The following MYRF variants were observed in gnomAD, a reference collection of about 807,000 sequenced individuals.
MYRF encodes the protein myelin regulatory factor.
A neutral mutation model predicts 126.3 loss-of-function variants in MYRF; 16 were observed. The observed-to-expected ratio is 0.13, with a 90% CI of 0.09 to 0.19. The LOEUF (loss-of-function observed/expected upper bound fraction) is 0.19. Among genes scored for constraint, MYRF ranks in the 10% least tolerant of loss-of-function variants. The pLI is 1.00. For synonymous variants in MYRF, 608 were observed against 635.3 expected (o/e 0.96, Z 0.65); for missense variants, 1,104 against 1,547.0 (o/e 0.71, Z 4.80).
rs2066534794 is a variant in MYRF at position 61,781,187 on chromosome 11, G to C, written c.2622G>C (p.Leu874Phe). Reference sequence around the variant, plus strand: ...CCCCAGGTTCTGCTGTCCGCACCTTGGACATGTGTTCCAGCCACCCCTGCC... The same window carrying C: ...CCCCAGGTTCTGCTGTCCGCACCTTCGACATGTGTTCCAGCCACCCCTGCC... ...SSAPGSAVRT[L>F]DMCSSHPCPV... Residue 874 changes from leucine (L) to phenylalanine (F), a missense_variant, in exon 21 of 27, where the codon TTG (leucine) becomes TTC (phenylalanine). Leu to Phe is a conservative substitution (Grantham distance 22). This residue lies in a region of MYRF where 323 missense variants were observed against 383.1 expected (regional missense o/e 0.84). Transcript: ENST00000278836. The C allele has an allele frequency of 6.2e-7, 1 of 1,613,852 alleles. No homozygotes were observed. The highest frequency in any genetic ancestry group is 8.5e-7 in the Non-Finnish European group (1 of 1,180,030).
intron 1 of MYRF, among the ~76,000 whole-genome samples, chr11:61,759,596 G>A (rs1488198581): frequency 6.6e-6 from 1 of 152,154 alleles, no homozygotes; most frequent in Non-Finnish European, 1.5e-5. Flanking sequence ...CTTGAACTCA[G>A]GAGGCGGAAG....
chr11:61,765,710 C>T lies in MYRF; in HGVS notation c.132C>T (p.Asp44=). Residue 44 remains aspartate, a splice_region_variant and synonymous_variant, in exon 2 of 27, where the codon GAC becomes GAT. Transcript: ENST00000278836. The part of the protein sequence containing the change: ...EEYISKEDAS[D]LCFPDISAPA... Reference sequence around the variant, plus strand: ...ACATCAGCAAGGAGGATGCCTCCGACCTGTGAGTGGCCCCCTCGCCCGGCC... The same window carrying T: ...ACATCAGCAAGGAGGATGCCTCCGATCTGTGAGTGGCCCCCTCGCCCGGCC... 1 of 1,611,598 alleles carries T rather than the reference C, an allele frequency of 6.2e-7. No individual in the cohort carries two copies. The highest frequency in any genetic ancestry group is 8.5e-7 in the Non-Finnish European group (1 of 1,179,348).
intron 1 of MYRF, among the ~76,000 whole-genome samples, chr11:61,758,042 G>C (rs1195730140): frequency 6.6e-6 from 1 of 152,144 alleles, no homozygotes; most frequent in Non-Finnish European, 1.5e-5. Context: ...ACATGGTCAA[G>C]GTTGGGTGAT....
chr11:61,766,187 A>G lies in MYRF; in HGVS notation c.364A>G (p.Ile122Val). The G allele has an allele frequency of 6.2e-7, 1 of 1,610,852 alleles. No homozygotes were observed. Among genetic ancestry groups the G allele is most frequent in the Non-Finnish European group, 8.5e-7 (1 of 1,179,390 alleles). ...KPFPGGTGPP[I>V]KAEPKAPYAP... ...CTTCCCGGGGGGCACCGGGCCCCCC[A>G]TCAAGGCTGAGCCCAAGGCTCCCTA... The change falls in exon 3 of 27, where the codon ATC (isoleucine) becomes GTC (valine). Residue 122 changes from isoleucine to valine, a missense_variant. Physicochemically the swap from Ile to Val is conservative, Grantham distance 29. Around this residue, in one of 10 missense-constraint regions of MYRF, gnomAD observed 368 missense variants for 403.9 expected, o/e 0.91. Transcript: ENST00000278836.
At position 61,763,293 on chromosome 11, in the gene MYRF, T is replaced by C. The variant is rs73487421; in HGVS notation, c.47-2332T>C. 3.4e-3 allele frequency among the ~76,000 whole-genome samples: 516 copies of C among 152,306 alleles called. 6 individuals carry two copies. Among genetic ancestry groups the C allele is most frequent in the African/African-American group, 0.012 (480 of 41,566 alleles). ...ACCTCTCTGAACAGGGGATGGTGAT[T>C]ATGTTACCTATCTGAACATCCCCAC... On this transcript the variant is annotated intron_variant, in intron 1 of 26. Coordinates refer to ENST00000278836, the MANE Select transcript of MYRF (RefSeq NM_001127392.3).
At chr11:61,769,454 C>A in intron 4 of MYRF, 133 bp downstream of exon 4, 1 of 683,778 alleles carries the variant, frequency 1.5e-6, no homozygotes, top group South Asian at 1.8e-5. Context: ...TGGTCAAATA[C>A]TCCCTGGCGC....
At chr11:61,772,107 G>GCTCCTGACTCCTAGGCCAGCCCCAGGC (rs1240563875) in intron 7 of MYRF, among the ~76,000 whole-genome samples, 155 bp downstream of exon 7, 2 of 152,136 alleles carry the variant, frequency 1.3e-5, no homozygotes, top group Admixed American at 6.5e-5. Context: ...GGCAGTCAGG[G>GCTCCTGACTCCTAGGCCAGCCCCAGGC]CTCCTGACTC....
chr11:61,772,680 C>CT (rs1418579020), intron 7 of MYRF, among the ~76,000 whole-genome samples: 2 of 152,238 alleles, frequency 1.3e-5, no homozygotes, highest in Non-Finnish European at 2.9e-5. Context: ...GAGGAAACCC[C>CT]TTACTCTTAC....
chr11:61,785,513 C>T, intron 25 of MYRF: 1 of 494,852 alleles, frequency 2.0e-6, no homozygotes, highest in Non-Finnish European at 3.7e-6. Context: ...TTTGATGTGC[C>T]CAGAGCATAG....
rs773998662 is a variant in MYRF at position 61,771,703 on chromosome 11, C to T, written c.944C>T (p.Ala315Val). 50 of 1,613,514 alleles carry T rather than the reference C, an allele frequency of 3.1e-5. 2 individuals carry two copies. The Middle Eastern group carries it at 8.2e-4, about 27-fold the overall frequency. ...CCTGGTTCCTTGCCTCTCAGCATTG[C>T]CCGTGTCCAGACACCGCCTTGGCAC... is the stretch of plus-strand genomic sequence containing the variant. The part of the protein sequence containing the change: ...PGPGSLPLSI[A>V]RVQTPPWHPP... The change falls in exon 6 of 27, where the codon GCC becomes GTC. Residue 315 changes from alanine (A) to valine (V), a missense_variant. Ala to Val is a moderately conservative substitution (Grantham distance 64, BLOSUM62 0). Transcript: ENST00000278836.
chr11:61,781,273 G>A lies in MYRF; in HGVS notation c.2708G>A (p.Ser903Asn). The stretch of plus-strand genomic sequence containing the variant: ...ACCACTGGTCCTAGTCTTGGCCCCA[G>A]CTTTAACCCTGGCCATGTTCTCAGC... Reference protein sequence around the residue: ...NPTTGPSLGPSFNPGHVLSPS... With the variant: ...NPTTGPSLGPNFNPGHVLSPS... Residue 903 changes from serine (S) to asparagine (N), a missense_variant, in exon 21 of 27, where the codon AGC becomes AAC. This residue lies in a region of MYRF where 323 missense variants were observed against 383.1 expected (regional missense o/e 0.84). Coordinates refer to ENST00000278836, the MANE Select transcript of MYRF (RefSeq NM_001127392.3). The A allele has an allele frequency of 6.2e-7, 1 of 1,614,156 alleles. No homozygotes were observed. Among genetic ancestry groups the A allele is most frequent in the Non-Finnish European group, 8.5e-7 (1 of 1,180,036 alleles).
chr11:61,766,122 A>T lies in MYRF; in HGVS notation c.299A>T (p.Asn100Ile), dbSNP rs2066054571. 6.2e-7 allele frequency: 1 copy of T among 1,610,080 alleles called. No individual in the cohort carries two copies. The highest frequency in any genetic ancestry group is 8.5e-7 in the Non-Finnish European group (1 of 1,179,528). Residue 100 changes from asparagine to isoleucine, a missense_variant, in exon 3 of 27, where the codon AAC becomes ATC. Coordinates refer to ENST00000278836, the MANE Select transcript of MYRF (RefSeq NM_001127392.3). ...LPPPGYGTPL[N>I]CNNNNGMGAA... ...CCCCCGGGCTACGGCACCCCGCTGA[A>T]CTGCAACAACAACAACGGCATGGGC...
At chr11:61,769,807 C>T (rs2066158792) in intron 4 of MYRF, among the ~76,000 whole-genome samples, 1 of 152,080 alleles carries the variant, frequency 6.6e-6, no homozygotes, top group Non-Finnish European at 1.5e-5. Flanking sequence ...GGAGCTGGGG[C>T]CTCCCCGCTC....
chr11:61,785,939 G>A (rs973534052), intron 26 of MYRF, 65 bp downstream of exon 26: 1 of 1,577,164 alleles, frequency 6.3e-7, no homozygotes, highest in African/African-American at 1.3e-5. Context: ...TGGGGCTTGA[G>A]GAATGGGGGG....
chr11:61,783,663 A>C lies in MYRF; in HGVS notation c.3119+63A>C. 1.3e-6 allele frequency: 2 copies of C among 1,502,144 alleles called. No homozygotes were observed. The highest frequency in any genetic ancestry group is 2.3e-5 in the South Asian group (2 of 87,216). The allele number at this position is 1,502,144 out of a possible 1,614,324, so 93.1% of individuals were successfully genotyped here. A position where few individuals can be genotyped will look rare whatever the true frequency, so the allele number is the denominator to read the frequency against. ...CAGGTGACATGAGCCCAGGTGGTAC[A>C]GATCACCCGGAACTTGCCCTTTCAG... On this transcript the variant is annotated intron_variant, in intron 23 of 26. Transcript: ENST00000278836. This position sits in a 1 kb window ranked among gnomAD's most constrained non-coding sequence, Gnocchi z 4.6.
Position 61,777,706 on chromosome 11 carries a change from G to T in MYRF, c.1792-28G>T, listed in dbSNP as rs775445748. On this transcript the variant is annotated intron_variant, in intron 12 of 26. Coordinates refer to ENST00000278836, the MANE Select transcript of MYRF (RefSeq NM_001127392.3). This position sits in a 1 kb window ranked among gnomAD's most constrained non-coding sequence, Gnocchi z 8.8. Reference sequence around the variant, plus strand: ...CTGCTCCGGGACGGCCGCAGGAGGGGTTCATTCCCGGGCCTGGCTCCCCGC... The same window carrying T: ...CTGCTCCGGGACGGCCGCAGGAGGGTTTCATTCCCGGGCCTGGCTCCCCGC... The T allele has an allele frequency of 6.5e-7, 1 of 1,544,674 alleles. No homozygotes were observed.
Position 61,783,708 on chromosome 11 carries a change from G to A in MYRF, c.3119+108G>A. 1 of 1,360,606 alleles carries A rather than the reference G, an allele frequency of 7.3e-7. No homozygotes were observed. The allele number at this position is 1,360,606 out of a possible 1,614,324, so 84.3% of individuals were successfully genotyped here. On this transcript the variant is annotated intron_variant, in intron 23 of 26. Transcript: ENST00000278836. This position sits in a 1 kb window ranked among gnomAD's most constrained non-coding sequence, Gnocchi z 4.6. Reference sequence around the variant, plus strand: ...TTTCAGGGAGGAGCCTCCCCCATAAGGAAGGGTAGCCCCTTTCCAGGCTAC... The same window carrying A: ...TTTCAGGGAGGAGCCTCCCCCATAAAGAAGGGTAGCCCCTTTCCAGGCTAC...
At chr11:61,755,205 T>C (rs1361157119) in intron 1 of MYRF, among the ~76,000 whole-genome samples, 3 of 152,148 alleles carry the variant, frequency 2.0e-5, no homozygotes, top group African/African-American at 7.2e-5. Context: ...TCCCCCTCCC[T>C]GGGCACACAC....
intron 21 of MYRF, 70 bp from the exon 22 acceptor site, chr11:61,781,503 G>A: frequency 6.4e-7 from 1 of 1,569,214 alleles, no homozygotes; most frequent in Non-Finnish European, 8.6e-7. Flanking sequence ...GTCTTGTGGG[G>A]CCCTAGAGAC....
Sources: allele counts gnomAD v4.1 joint callset (sites outside exome capture counted in the v4.1 genomes callset), GRCh38; gene constraint gnomAD v4.1.1; regional missense constraint gnomAD v4.1.1; non-coding constraint Gnocchi (gnomAD v3.1); transcripts MANE v1.5; gene names NCBI Gene and HGNC (gene_info 2026-07-23, HGNC 2026-07-21).